Variants in TCF12 observed in about 807,000 individuals in gnomAD.
The protein encoded by TCF12 is DNA-binding protein HTF4.
A neutral mutation model predicts 86.0 loss-of-function variants in TCF12; 45 were observed. The ratio of observed to expected loss-of-function variants is 0.52; its 90% CI spans 0.41 to 0.67. The LOEUF (loss-of-function observed/expected upper bound fraction) is 0.67, where lower values mean the gene tolerates loss of function less well. Ranked by LOEUF, TCF12 falls within the 30% of genes least tolerant of loss-of-function variation. The probability of loss-of-function intolerance (pLI) is 0.00; values close to 1 mark genes in which losing one functional copy is unlikely to be tolerated. For synonymous variants in TCF12, 330 were observed against 299.6 expected, an observed-to-expected ratio of 1.10 and a Z score of -1.05; for missense variants, 881 against 859.9, an observed-to-expected ratio of 1.02 and a Z score of -0.31.
At chr15:57,030,964 C>G (rs1319405913) in intron 3 of TCF12, among the ~76,000 whole-genome samples, 1 of 152,160 alleles carries the variant, frequency 6.6e-6, no homozygotes, top group African/African-American at 2.4e-5. Context: ...TTGCCTATCT[C>G]AAGGATTATA....
chr15:56,970,674 C>T (rs901415348), intron 3 of TCF12, among the ~76,000 whole-genome samples: 5 of 151,938 alleles, frequency 3.3e-5, no homozygotes, highest in African/African-American at 1.2e-4. Context: ...AAGACTGATA[C>T]ATTTGACTAT....
chr15:57,104,578 A>G (rs759876692), intron 5 of TCF12, among the ~76,000 whole-genome samples: 21 of 150,718 alleles, frequency 1.4e-4, no homozygotes, highest in Non-Finnish European at 1.8e-4. Flanking sequence ...AGTAGCTGGG[A>G]CTACAGGCGC....
chr15:57,239,298 C>G (rs574549439), intron 12 of TCF12, among the ~76,000 whole-genome samples: 6 of 152,128 alleles, frequency 3.9e-5, no homozygotes, highest in African/African-American at 9.6e-5. Context: ...TTGTGGTGAG[C>G]TGAGATTGCA....
chr15:57,143,287 A>C (rs1171503302), intron 5 of TCF12, among the ~76,000 whole-genome samples: 2 of 152,152 alleles, frequency 1.3e-5, no homozygotes, highest in Non-Finnish European at 2.9e-5. Flanking sequence ...ATAAATGTTA[A>C]TTAGATGATT....
intron 3 of TCF12, among the ~76,000 whole-genome samples, chr15:57,012,861 T>C (rs1050543931): frequency 2.0e-5 from 3 of 152,198 alleles, no homozygotes; most frequent in African/African-American, 7.2e-5. Flanking sequence ...TTTCTTTGCT[T>C]ATTTTTCTTT....
chr15:56,948,295 A>G (rs1285646774), intron 3 of TCF12, among the ~76,000 whole-genome samples: 2 of 151,092 alleles, frequency 1.3e-5, no homozygotes, highest in African/African-American at 2.4e-5. Context: ...GCAGTGTACA[A>G]TGTGAAGTAT....
Position 57,243,660 on chromosome 15 carries a change from T to C in TCF12, c.1114+110T>C, listed in dbSNP as rs895523916. Reference sequence around the variant, plus strand: ...AAAATTTGTGAAAAATCATTTAGATTTTGACTATAAGAAAGTGTGTAAAGA... The same window carrying C: ...AAAATTTGTGAAAAATCATTTAGATCTTGACTATAAGAAAGTGTGTAAAGA... On this transcript the variant is annotated intron_variant, in intron 13 of 20. Transcript: ENST00000333725. The C allele has an allele frequency of 6.4e-6, 6 of 933,176 alleles. No homozygotes were observed. The Admixed American group carries it at 1.4e-4, about 22-fold the overall frequency. 57.8% of individuals were successfully genotyped at this position (933,176 alleles called of 1,614,324 possible). A position where few individuals can be genotyped will look rare whatever the true frequency, so the allele number is the denominator to read the frequency against.
chr15:57,251,922 G>A (rs903854990), intron 14 of TCF12, among the ~76,000 whole-genome samples: 9 of 152,204 alleles, frequency 5.9e-5, no homozygotes, highest in South Asian at 4.2e-4. Context: ...AAAGTATATT[G>A]TGCAAATTAT....
chr15:56,975,920 C>G (rs1220558293), intron 3 of TCF12, among the ~76,000 whole-genome samples: 1 of 151,310 alleles, frequency 6.6e-6, no homozygotes, highest in African/African-American at 2.4e-5. Context: ...GCTTCAAACA[C>G]TACTGGGCTT....
intron 3 of TCF12, among the ~76,000 whole-genome samples, chr15:56,932,105 G>A (rs2060272524): frequency 6.7e-6 from 1 of 149,876 alleles, no homozygotes; most frequent in Admixed American, 6.6e-5. Context: ...TTTGACTCTG[G>A]AGACTTGCCA....
chr15:57,188,938 C>G (rs2056832677), intron 6 of TCF12, among the ~76,000 whole-genome samples: 1 of 152,192 alleles, frequency 6.6e-6, no homozygotes, highest in Non-Finnish European at 1.5e-5. Flanking sequence ...CAGGCGCACA[C>G]CATCACACCT....
intron 6 of TCF12, among the ~76,000 whole-genome samples, chr15:57,175,373 C>T (rs1195116301): frequency 6.6e-6 from 1 of 151,972 alleles, no homozygotes; most frequent in East Asian, 1.9e-4. Flanking sequence ...AAAAAGAATT[C>T]CTACAACTCT....
chr15:57,188,049 A>G (rs1219159329), intron 6 of TCF12, among the ~76,000 whole-genome samples: 2 of 152,202 alleles, frequency 1.3e-5, no homozygotes, highest in Non-Finnish European at 2.9e-5. Flanking sequence ...TCTTATATAT[A>G]CGAAATTTTA....
At chr15:57,000,585 A>G (rs2063968234) in intron 3 of TCF12, among the ~76,000 whole-genome samples, 1 of 152,036 alleles carries the variant, frequency 6.6e-6, no homozygotes, top group African/African-American at 2.4e-5. Flanking sequence ...AAGCTAATGA[A>G]GTACAAATTA....
chr15:57,183,787 T>C (rs1452151072), intron 6 of TCF12, among the ~76,000 whole-genome samples: 1 of 152,152 alleles, frequency 6.6e-6, no homozygotes, highest in Non-Finnish European at 1.5e-5. Context: ...GTGAGCTGTT[T>C]GTAGAAGAGG....
intron 3 of TCF12, among the ~76,000 whole-genome samples, chr15:56,995,123 T>G: frequency 6.6e-6 from 1 of 151,392 alleles, no homozygotes; most frequent in East Asian, 1.9e-4. Context: ...ACAAAATAAG[T>G]AGGTAGGTTA....
At chr15:57,047,806 G>A (rs1214808789) in intron 3 of TCF12, among the ~76,000 whole-genome samples, 1 of 152,116 alleles carries the variant, frequency 6.6e-6, no homozygotes, top group Non-Finnish European at 1.5e-5. Context: ...CTTGTTAGGC[G>A]ATTTCATTCT....
chr15:57,025,984 G>T (rs1328229559), intron 3 of TCF12, among the ~76,000 whole-genome samples: 1 of 152,188 alleles, frequency 6.6e-6, no homozygotes, highest in Non-Finnish European at 1.5e-5. Context: ...AAAAAACTGG[G>T]AATGGGAAGA....
intron 8 of TCF12, among the ~76,000 whole-genome samples, chr15:57,217,631 C>A (rs2058385239): frequency 6.6e-6 from 1 of 152,072 alleles, no homozygotes; most frequent in Non-Finnish European, 1.5e-5. Flanking sequence ...TGCTTTGTGG[C>A]TCCCCTCTTC....
Sources: gnomAD v4.1 joint callset for allele counts (sites outside exome capture counted in the v4.1 genomes callset) on GRCh38, gnomAD v4.1.1 for gene constraint, MANE v1.5 for transcripts, NCBI Gene and HGNC (gene_info 2026-07-23, HGNC 2026-07-21) for gene names.